KRT79: variants seen among roughly 807,000 people sequenced by gnomAD.
The protein encoded by KRT79 is keratin 79, also known as keratin, type II cytoskeletal 79.
A neutral mutation model predicts 49.0 loss-of-function variants in KRT79; 51 were observed. The ratio of observed to expected loss-of-function variants is 1.04; its 90% confidence interval spans 0.83 to 1.31. The LOEUF (loss-of-function observed/expected upper bound fraction) is 1.31. Among genes scored for constraint, KRT79 ranks in the 40% most tolerant of loss-of-function variants. KRT79 has a pLI of 0.00. For synonymous variants in KRT79, 312 were observed against 286.6 expected, an observed-to-expected ratio of 1.09 and a Z score of -0.90; for missense variants, 728 against 688.0, an observed-to-expected ratio of 1.06 and a Z score of -0.65.
chr12:52,824,202 G>A lies in KRT79; in HGVS notation c.1016C>T (p.Thr339Ile), dbSNP rs1940144016. ...TGAGCCAGCTATGCCTCTCACCTTG[G>A]TCTGGTACCAGGCCTCGGCCTCAGC... The part of the protein sequence containing the change: ...SRAEAEAWYQ[T>I]KYEELQVTAG... Residue 339 changes from threonine to isoleucine, a missense_variant, in exon 5 of 9, where the codon ACC (threonine) becomes ATC (isoleucine). Physicochemically the swap from Thr to Ile is moderately conservative, Grantham distance 89. Transcript: ENST00000330553. The A allele has an allele frequency of 3.1e-6, 5 of 1,614,176 alleles. No individual in the cohort carries two copies. The highest frequency in any genetic ancestry group is 4.2e-6 in the Non-Finnish European group (5 of 1,180,034).
Position 52,831,604 on chromosome 12 carries a change from T to C in KRT79, c.500A>G (p.Asn167Ser). The change falls in exon 2 of 9, where the codon AAT becomes AGT. Residue 167 changes from asparagine (N) to serine (S), a missense_variant. By Grantham distance (46) the Asn-to-Ser change is conservative. Coordinates refer to ENST00000330553, the MANE Select transcript of KRT79 (RefSeq NM_175834.3). ...TGCCCACTTGGTCTCCAGCACCTTATTCTGTTGCTCCAGGAACCGCACCTG... is the reference window on the plus strand; with the variant it reads ...TGCCCACTTGGTCTCCAGCACCTTACTCTGTTGCTCCAGGAACCGCACCTG... ...IDKVRFLEQQ[N>S]KVLETKWALL... 3 of 1,614,154 alleles carry C rather than the reference T, an allele frequency of 1.9e-6. No individual in the cohort carries two copies. The South Asian group carries it at 3.3e-5, about 18-fold the overall frequency.
In KRT79 at chr12:52,834,032, C is replaced by T. The variant is rs745879478; in HGVS notation, c.229G>A (p.Gly77Arg). The change falls in exon 1 of 9, where the codon GGA becomes AGA. Residue 77 changes from glycine to arginine, a missense_variant. Gly to Arg is a moderately radical substitution (Grantham distance 125). Transcript: ENST00000330553. ...GHKSISVSVA[G>R]GALLGRALGG... The stretch of plus-strand genomic sequence containing the variant: ...AGAGCCCGCCCCAACAAGGCCCCTC[C>T]GGCCACACTGACAGAGATACTCTTG... 2.0e-5 allele frequency: 33 copies of T among 1,613,318 alleles called. 1 individual carries two copies. The highest frequency in any genetic ancestry group is 1.6e-4 in the Middle Eastern group (1 of 6,078).
At position 52,834,183 on chromosome 12, in the gene KRT79, C is replaced by T; in HGVS notation, c.78G>A (p.Gly26=). 1 of 1,613,778 alleles carries T rather than the reference C, an allele frequency of 6.2e-7. No individual in the cohort carries two copies. Among genetic ancestry groups the T allele is most frequent in the Non-Finnish European group, 8.5e-7 (1 of 1,179,948 alleles). The change falls in exon 1 of 9, where the codon GGG becomes GGA. Residue 26 remains glycine, a synonymous_variant. Coordinates refer to ENST00000330553, the MANE Select transcript of KRT79 (RefSeq NM_175834.3). ...FSSNSASGGS[G]SQARTSFSSV... is the part of the protein sequence containing the mutation. The stretch of plus-strand genomic sequence containing the variant: ...AGCTGAAGCTGGTGCGGGCCTGGGA[C>T]CCACTCCCTCCGCTGGCAGAGTTGG...
chr12:52,822,259 T>C, intron 8 of KRT79, 86 bp downstream of exon 8: 1 of 1,440,522 alleles, frequency 6.9e-7, no homozygotes, highest in Non-Finnish European at 9.6e-7. Context: ...GAGAGCATGC[T>C]TTAGGACAGG....
At chr12:52,824,495 G>T in intron 4 of KRT79, 133 bp from the exon 5 acceptor site, 2 of 850,486 alleles carry the variant, frequency 2.4e-6, no homozygotes, top group Non-Finnish European at 3.6e-6. Flanking sequence ...CTAGAGCAAA[G>T]TAAGGAAAAC....
At chr12:52,822,454 G>T in intron 7 of KRT79, 75 bp from the exon 8 acceptor site, 1 of 989,472 alleles carries the variant, frequency 1.0e-6, no homozygotes. Context: ...CCTTCCCTCT[G>T]CCTTTACATT....
rs763758077 is a variant in KRT79, at chr12:52,823,270, C to T, written c.1147-34G>A. On this transcript the variant is annotated intron_variant, in intron 6 of 8. Transcript: ENST00000330553. The stretch of plus-strand genomic sequence containing the variant: ...GGGAGAAAGGTGTTGGAAGCACCCT[C>T]CGGGGTCATCCCATTCATCTCTCTG... 6.4e-6 allele frequency: 10 copies of T among 1,568,110 alleles called. No homozygotes were observed. The Admixed American group carries it at 1.7e-4, about 27-fold the overall frequency.
chr12:52,826,297 G>A (rs1940174713), intron 4 of KRT79, among the ~76,000 whole-genome samples: 1 of 152,092 alleles, frequency 6.6e-6, no homozygotes, highest in Non-Finnish European at 1.5e-5. Context: ...TGTAATCCCA[G>A]CATTTTGGGA....
At chr12:52,828,884 TGTCATCA>T (rs2121284258) in intron 4 of KRT79, among the ~76,000 whole-genome samples, 1 of 152,288 alleles carries the variant, frequency 6.6e-6, no homozygotes, top group Non-Finnish European at 1.5e-5. Flanking sequence ...ATTTTTATCC[TGTCATCA>T]TCATGACTTC....
At chr12:52,833,717 G>T in intron 1 of KRT79, 67 bp downstream of exon 1, 1 of 1,321,944 alleles carries the variant, frequency 7.6e-7, no homozygotes, top group Non-Finnish European at 1.1e-6. Flanking sequence ...CCCTGGCCCA[G>T]CCCACCCTCT....
intron 4 of KRT79, among the ~76,000 whole-genome samples, chr12:52,826,187 C>G (rs1296369656): frequency 6.6e-6 from 1 of 152,110 alleles, no homozygotes. Context: ...GGCAAAATCT[C>G]TCCACTGGAT....
Position 52,833,887 on chromosome 12 carries a change from G to C in KRT79, c.374C>G (p.Thr125Ser). 1 of 1,613,892 alleles carries C rather than the reference G, an allele frequency of 6.2e-7. No individual in the cohort carries two copies. Among genetic ancestry groups the C allele is most frequent in the Non-Finnish European group, 8.5e-7 (1 of 1,179,960 alleles). ...QEVTVNQSLL[T>S]PLHVEIDPEI... ...GGGGTCAATCTCCACATGGAGGGGG[G>C]TCAGCAGGCTCTGGTTGACAGTGAC... Residue 125 changes from threonine (T) to serine (S), a missense_variant, in exon 1 of 9, where the codon ACC becomes AGC. Coordinates refer to ENST00000330553, the MANE Select transcript of KRT79 (RefSeq NM_175834.3).
At chr12:52,824,098 T>C (rs1336091225) in intron 5 of KRT79, 86 bp from the exon 6 acceptor site, 1 of 1,612,312 alleles carries the variant, frequency 6.2e-7, no homozygotes, top group Non-Finnish European at 8.5e-7. Flanking sequence ...TGAGTATATC[T>C]GGCCCCCCGG....
At chr12:52,829,672 G>C (rs570300140) in intron 4 of KRT79, among the ~76,000 whole-genome samples, 1 of 152,188 alleles carries the variant, frequency 6.6e-6, no homozygotes, top group Admixed American at 6.5e-5. Context: ...AGGCCAAGGC[G>C]GGTGGATCAC....
At chr12:52,833,503 A>C (rs1387373841) in intron 1 of KRT79, among the ~76,000 whole-genome samples, 1 of 152,160 alleles carries the variant, frequency 6.6e-6, no homozygotes, top group Non-Finnish European at 1.5e-5. Context: ...AATCGTATTA[A>C]TCATGGTGGT....
chr12:52,833,069 C>T (rs1940277674), intron 1 of KRT79, among the ~76,000 whole-genome samples: 1 of 152,186 alleles, frequency 6.6e-6, no homozygotes, highest in African/African-American at 2.4e-5. Flanking sequence ...ACCAGGAAAT[C>T]CCAGCACAAG....
intron 8 of KRT79, 22 bp downstream of exon 8, chr12:52,822,323 G>T (rs546618956): frequency 3.1e-6 from 5 of 1,604,632 alleles, no homozygotes; most frequent in Non-Finnish European, 2.6e-6. Context: ...GGTGGAGCAG[G>T]AAGTGGGGAG....
At chr12:52,825,017 G>A (rs761654716) in intron 4 of KRT79, among the ~76,000 whole-genome samples, 4 of 152,306 alleles carry the variant, frequency 2.6e-5, no homozygotes, top group South Asian at 2.1e-4. Context: ...TAGAACCATC[G>A]TCCTTCACAC....
intron 2 of KRT79, 72 bp downstream of exon 2, chr12:52,831,334 G>A: frequency 7.0e-7 from 1 of 1,433,072 alleles, no homozygotes; most frequent in Non-Finnish European, 9.8e-7. Flanking sequence ...TGGGAATGGG[G>A]TGGCCCTCTT....
Sources: gnomAD v4.1 joint callset for allele counts (sites outside exome capture counted in the v4.1 genomes callset) on GRCh38, gnomAD v4.1.1 for gene constraint, MANE v1.5 for transcripts, NCBI Gene and HGNC (gene_info 2026-07-23, HGNC 2026-07-21) for gene names.